Variants in MTNAP1 observed in about 807,000 individuals in gnomAD.
MTNAP1 encodes the protein mitochondrial nucleoid associated protein 1.
At chr17:73,243,316 G>A in the MTNAP1 span, 6 of 360,514 alleles carry the variant, frequency 1.7e-5, no homozygotes, top group East Asian at 1.4e-4. Flanking sequence ...CACCATGCCC[G>A]GCTAATTTTG....
At chr17:73,236,900 T>C in the MTNAP1 span, 3 of 1,614,060 alleles carry the variant, frequency 1.9e-6, no homozygotes, top group East Asian at 2.2e-5. Context: ...CCTGGTTACC[T>C]TGGACTAGGG....
chr17:73,241,369 A>T, the MTNAP1 span, among the ~76,000 whole-genome samples: 1 of 152,088 alleles, frequency 6.6e-6, no homozygotes, highest in African/African-American at 2.4e-5. Flanking sequence ...AGTGTTAGCC[A>T]GGATGGTCTC....
the MTNAP1 span, among the ~76,000 whole-genome samples, chr17:73,234,331 T>A: frequency 4.6e-5 from 7 of 151,988 alleles, no homozygotes; most frequent in Non-Finnish European, 7.4e-5. Context: ...GTTTTTTTTT[T>A]AATTTTTTAC....
At chr17:73,238,219 TA>T in the MTNAP1 span, among the ~76,000 whole-genome samples, 5 of 152,072 alleles carry the variant, frequency 3.3e-5, no homozygotes, top group African/African-American at 1.2e-4. Context: ...CCTCTCTAGT[TA>T]AAATACATAA....
chr17:73,242,480 T>A, the MTNAP1 span: 1 of 603,308 alleles, frequency 1.7e-6, no homozygotes, highest in East Asian at 3.0e-5. Flanking sequence ...GTCTTCCTAG[T>A]TTTCCATTTG....
At chr17:73,234,153 G>GT in the MTNAP1 span, among the ~76,000 whole-genome samples, 1 of 152,224 alleles carries the variant, frequency 6.6e-6, no homozygotes, top group Middle Eastern at 3.4e-3. Context: ...TCAGTGCTAG[G>GT]TTTTTACATA....
chr17:73,237,812 G>A, the MTNAP1 span, among the ~76,000 whole-genome samples: 3 of 152,160 alleles, frequency 2.0e-5, no homozygotes, highest in African/African-American at 7.2e-5. Context: ...TAGGACACAG[G>A]TAAAACTAGC....
At chr17:73,239,050 G>C in the MTNAP1 span, among the ~76,000 whole-genome samples, 1 of 152,046 alleles carries the variant, frequency 6.6e-6, no homozygotes, top group Admixed American at 6.6e-5. Context: ...CGATTCTCCT[G>C]CCTCAGCCTC....
At chr17:73,236,783 C>T in the MTNAP1 span, 3 of 1,614,036 alleles carry the variant, frequency 1.9e-6, no homozygotes, top group African/African-American at 1.3e-5. Flanking sequence ...CCTTTATGTT[C>T]AGCCCAGCGT....
the MTNAP1 span, chr17:73,245,629 C>A: frequency 1.0e-6 from 1 of 985,296 alleles, no homozygotes; most frequent in Non-Finnish European, 1.2e-6. Flanking sequence ...AAAATAAGCC[C>A]ACATCAGGCC....
the MTNAP1 span, among the ~76,000 whole-genome samples, chr17:73,241,040 TTTC>T: frequency 6.6e-6 from 1 of 152,242 alleles, no homozygotes; most frequent in Non-Finnish European, 1.5e-5. Context: ...CGGTGTTTAA[TTTC>T]TTCTTTATCT....
chr17:73,240,519 A>T, the MTNAP1 span, among the ~76,000 whole-genome samples: 2 of 152,224 alleles, frequency 1.3e-5, no homozygotes, highest in South Asian at 4.1e-4. Context: ...TTGGCTCCTT[A>T]AAAAGCTTTG....
the MTNAP1 span, chr17:73,236,734 G>T: frequency 1.2e-6 from 2 of 1,614,176 alleles, no homozygotes; most frequent in Non-Finnish European, 1.7e-6. Flanking sequence ...GCCCAAATCT[G>T]ATAGTCAGTT....
chr17:73,236,464 A>G, the MTNAP1 span: 1 of 1,614,236 alleles, frequency 6.2e-7, no homozygotes. Flanking sequence ...ACGGACTGTC[A>G]TGAGCCATGG....
At chr17:73,235,594 G>T in the MTNAP1 span, 1 of 1,614,090 alleles carries the variant, frequency 6.2e-7, no homozygotes, top group East Asian at 2.2e-5. Context: ...CATACCTACT[G>T]ATCAAAAAGT....
the MTNAP1 span, among the ~76,000 whole-genome samples, chr17:73,241,228 G>A: frequency 2.0e-5 from 3 of 152,084 alleles, no homozygotes; most frequent in African/African-American, 7.2e-5. Context: ...AGCGATCTCT[G>A]CTCACTGCAA....
At chr17:73,234,885 C>G in the MTNAP1 span, among the ~76,000 whole-genome samples, 77,739 of 151,056 alleles carry the variant, frequency 0.51, 20,063 homozygotes, top group East Asian at 0.61. Flanking sequence ...AGTGCATATT[C>G]TATTTATCAC....
At chr17:73,235,014 G>A in the MTNAP1 span, among the ~76,000 whole-genome samples, 3 of 152,020 alleles carry the variant, frequency 2.0e-5, no homozygotes, top group Admixed American at 1.3e-4. Context: ...TCAGGAGTTC[G>A]AGACCAGTCT....
At chr17:73,242,207 G>A in the MTNAP1 span, 16 of 1,415,178 alleles carry the variant, frequency 1.1e-5, no homozygotes, top group Middle Eastern at 3.6e-4. Context: ...GGTACGTTTC[G>A]GTAAACAATG....
Sources: allele counts gnomAD v4.1 joint callset (sites outside exome capture counted in the v4.1 genomes callset), GRCh38; gene constraint gnomAD v4.1.1; transcripts MANE v1.5; gene names NCBI Gene and HGNC (gene_info 2026-07-23, HGNC 2026-07-21).